Variants in CACNA1E observed in about 807,000 individuals in gnomAD.
CACNA1E encodes calcium voltage-gated channel subunit alpha1 E, also known as voltage-dependent R-type calcium channel subunit alpha-1E.
Under a neutral mutation model 259.2 loss-of-function variants are expected in CACNA1E, and 40 were observed. The observed-to-expected ratio is 0.15, with a 90% confidence interval of 0.12 to 0.20. The LOEUF (loss-of-function observed/expected upper bound fraction) is 0.20. Among genes scored for constraint, CACNA1E ranks in the 10% least tolerant of loss-of-function variants. The pLI is 1.00. For synonymous variants in CACNA1E, 1,104 were observed against 1,138.5 expected (o/e 0.97, Z 0.61); for missense variants, 1,874 against 3,040.1 (o/e 0.62, Z 9.02).
chr1:181,576,102 G>T (rs918114224), intron 3 of CACNA1E, among the ~76,000 whole-genome samples: 1 of 152,192 alleles, frequency 6.6e-6, no homozygotes, highest in East Asian at 1.9e-4. Context: ...TCTGACGACG[G>T]CATGGAAGTG....
At chr1:181,378,249 C>T (rs760370206) in intron 1 of CACNA1E, among the ~76,000 whole-genome samples, 5 of 152,210 alleles carry the variant, frequency 3.3e-5, no homozygotes, top group Non-Finnish European at 7.3e-5. Flanking sequence ...CCATATTGAA[C>T]TTCCCACCTG....
chr1:181,555,280 G>A (rs181564810), intron 3 of CACNA1E, among the ~76,000 whole-genome samples: 34 of 152,322 alleles, frequency 2.2e-4, no homozygotes, highest in Admixed American at 2.2e-3. Context: ...TGCCCACTGA[G>A]TTGTGCTTGA....
rs912900183 is a variant in CACNA1E at position 181,579,320 on chromosome 1, C to T, written c.769+96C>T. On this transcript the variant is annotated intron_variant, in intron 5 of 47. Transcript: ENST00000367573. ...TTGGAGGCTCATTGGAAAAGTATGT[C>T]CTATTCTGACCCTGGAATTAGAATC... 5 of 951,926 alleles carry T rather than the reference C, an allele frequency of 5.3e-6. No homozygotes were observed. In the African/African-American group the frequency reaches 6.6e-5, roughly 13 times the overall value. The allele number at this position is 951,926 out of a possible 1,614,324, so 59.0% of individuals were successfully genotyped here.
At chr1:181,641,683 T>C (rs975470526) in intron 6 of CACNA1E, among the ~76,000 whole-genome samples, 1 of 149,504 alleles carries the variant, frequency 6.7e-6, no homozygotes, top group Non-Finnish European at 1.5e-5. Context: ...AATGAGATCA[T>C]GAGGCAACAC....
chr1:181,464,340 T>G (rs1662014344), intron 2 of CACNA1E, among the ~76,000 whole-genome samples: 1 of 54,520 alleles, frequency 1.8e-5, no homozygotes. Context: ...TCGTTTTTTG[T>G]TTTTTTTTTA....
rs1459761315 is a variant in CACNA1E at position 181,798,085 on chromosome 1, A to G, written c.6400-207A>G. 6.6e-6 allele frequency among the ~76,000 whole-genome samples: 1 copy of G among 152,200 alleles called. No homozygotes were observed. Among genetic ancestry groups the G allele is most frequent in the Non-Finnish European group, 1.5e-5 (1 of 68,036 alleles). On this transcript the variant is annotated intron_variant, in intron 47 of 47. Coordinates refer to ENST00000367573, the MANE Select transcript of CACNA1E (RefSeq NM_001205293.3). The surrounding 1 kb of genome is among the most constrained non-coding windows in gnomAD (Gnocchi z 4.2). The stretch of plus-strand genomic sequence containing the variant: ...ACCAGATCCCCAGAGGTTTGTATGC[A>G]CAAAGTCTGAGATGTCCTGGTCTAA...
chr1:181,761,392 A>T (rs543060856), intron 32 of CACNA1E, among the ~76,000 whole-genome samples: 2 of 152,316 alleles, frequency 1.3e-5, no homozygotes, highest in South Asian at 4.1e-4. Flanking sequence ...AGGATCCATG[A>T]GAAGAATAAA....
In CACNA1E at chr1:181,807,982, T is replaced by C. The variant is rs1662743853; in HGVS notation, c.*9148T>C. On this transcript the variant is annotated 3_prime_UTR_variant, in exon 48 of 48. Coordinates refer to ENST00000367573, the MANE Select transcript of CACNA1E (RefSeq NM_001205293.3). ...TTGGTTTGTAAGCCATTTACATGGA[T>C]TGATGATTTCTGTTCTTGTTTTCTT... 6.6e-6 allele frequency: 1 copy of C among 152,210 alleles called. No homozygotes were observed. Among genetic ancestry groups the C allele is most frequent in the Non-Finnish European group, 1.5e-5 (1 of 68,042 alleles). The allele number at this position is 152,210 out of a possible 1,614,324, so 9.4% of individuals were successfully genotyped here. A position where few individuals can be genotyped will look rare whatever the true frequency, so the allele number is the denominator to read the frequency against.
chr1:181,436,759 TAGAC>T (rs139298446), intron 2 of CACNA1E, among the ~76,000 whole-genome samples: 52,322 of 151,838 alleles, frequency 0.34, 9,098 homozygotes, highest in Middle Eastern at 0.4. Flanking sequence ...ACATTTTAGT[TAGAC>T]AGGAGGAATG....
chr1:181,680,176 G>A (rs1392720603), intron 7 of CACNA1E, among the ~76,000 whole-genome samples: 1 of 146,168 alleles, frequency 6.8e-6, no homozygotes, highest in Non-Finnish European at 1.5e-5. Context: ...CAAGAGTCAA[G>A]ACCCAGGAGA....
intron 7 of CACNA1E, among the ~76,000 whole-genome samples, chr1:181,692,701 A>G (rs72733183): frequency 0.19 from 29,104 of 152,066 alleles, 3,463 homozygotes; most frequent in African/African-American, 0.34. Context: ...AATCCAAGAA[A>G]TACACCTAGG....
chr1:181,318,533 G>T (rs1650089148), intron 1 of CACNA1E, among the ~76,000 whole-genome samples: 1 of 152,200 alleles, frequency 6.6e-6, no homozygotes, highest in South Asian at 2.1e-4. Context: ...CTCCGAGAAG[G>T]GAGCAGGCTC....
chr1:181,534,905 A>T (rs1449776546), intron 3 of CACNA1E, among the ~76,000 whole-genome samples: 2 of 152,234 alleles, frequency 1.3e-5, no homozygotes, highest in African/African-American at 4.8e-5. Context: ...TTTTGATCTT[A>T]TGTTTAAATG....
intron 1 of CACNA1E, among the ~76,000 whole-genome samples, chr1:181,487,565 G>A (rs190894127): frequency 3.5e-4 from 54 of 152,320 alleles, no homozygotes; most frequent in African/African-American, 1.3e-3. Context: ...ATGCTAATGT[G>A]ATTTAAAATG....
intron 2 of CACNA1E, among the ~76,000 whole-genome samples, chr1:181,425,819 A>G (rs1659143990): frequency 6.6e-6 from 1 of 151,992 alleles, no homozygotes; most frequent in African/African-American, 2.4e-5. Flanking sequence ...GAAGGCATGC[A>G]GGGTTGGCGT....
At position 181,523,642 on chromosome 1, in the gene CACNA1E, G is replaced by A. The variant is rs986127224; in HGVS notation, c.512+12132G>A. 3.3e-5 allele frequency among the ~76,000 whole-genome samples: 5 copies of A among 152,154 alleles called. No homozygotes were observed. The South Asian group carries it at 1.0e-3, about 32-fold the overall frequency. On this transcript the variant is annotated intron_variant, in intron 3 of 47. Transcript: ENST00000367573. Reference sequence around the variant, plus strand: ...AATTATTTAACCATGTTGTTAAGGGGCTATAGTAATTGAAATAACTCCTCC... The same window carrying A: ...AATTATTTAACCATGTTGTTAAGGGACTATAGTAATTGAAATAACTCCTCC...
At chr1:181,580,809 A>G in intron 6 of CACNA1E, 33 bp downstream of exon 6, 2 of 1,604,076 alleles carry the variant, frequency 1.2e-6, no homozygotes, top group Non-Finnish European at 8.5e-7. Context: ...TGGAAGGAGG[A>G]GGGAAGAACC....
At chr1:181,686,275 GTTTTTTTTTTTT>G (rs66526388) in intron 7 of CACNA1E, among the ~76,000 whole-genome samples, 5 of 58,668 alleles carry the variant, frequency 8.5e-5, no homozygotes, top group African/African-American at 1.2e-4. Flanking sequence ...TAAGAACCAA[GTTTTTTTTTTTT>G]TTTTTTTTTT....
chr1:181,775,920 C>T (rs1046981418), intron 37 of CACNA1E, among the ~76,000 whole-genome samples, 181 bp from the exon 38 acceptor site: 3 of 152,146 alleles, frequency 2.0e-5, no homozygotes, highest in Non-Finnish European at 2.9e-5. Flanking sequence ...TTCTGTGATC[C>T]GGCACTTGGA....
Sources: gnomAD v4.1 joint callset for allele counts (sites outside exome capture counted in the v4.1 genomes callset) on GRCh38, gnomAD v4.1.1 for gene constraint, Gnocchi (gnomAD v3.1) non-coding constraint, MANE v1.5 for transcripts, NCBI Gene and HGNC (gene_info 2026-07-23, HGNC 2026-07-21) for gene names.